Variants in PALM observed in about 807,000 individuals in gnomAD.
PALM encodes the protein paralemmin-1.
A neutral mutation model predicts 30.7 loss-of-function variants in PALM; 18 were observed. That is an observed-to-expected ratio of 0.59 (90% CI 0.41 to 0.87). PALM has a LOEUF of 0.87. Ranked by LOEUF, PALM falls within the 40% of genes least tolerant of loss-of-function variation. The probability of loss-of-function intolerance (pLI) is 0.00; values close to 1 mark genes in which losing one functional copy is unlikely to be tolerated. For synonymous variants in PALM, 286 were observed against 242.8 expected (o/e 1.18, Z -1.66); for missense variants, 529 against 555.4 (o/e 0.95, Z 0.48).
chr19:741,472 A>C (rs1274827166), intron 8 of PALM, among the ~76,000 whole-genome samples: 8 of 88,122 alleles, frequency 9.1e-5, no homozygotes, highest in Admixed American at 1.2e-4. Flanking sequence ...GTGAGGGGAG[A>C]CGGGCTGCAG....
intron 5 of PALM, among the ~76,000 whole-genome samples, chr19:733,637 T>C (rs1049396260): frequency 6.6e-6 from 1 of 152,106 alleles, no homozygotes; most frequent in Non-Finnish European, 1.5e-5. Flanking sequence ...AGGAGCCGGC[T>C]GGATTCAGGG....
intron 7 of PALM, among the ~76,000 whole-genome samples, chr19:737,941 C>G (rs547559900): frequency 6.6e-6 from 1 of 152,282 alleles, no homozygotes; most frequent in East Asian, 1.9e-4. Flanking sequence ...CCCACGCCCT[C>G]TGGTGACTGC....
chr19:717,249 A>G (rs2032295504), intron 1 of PALM, among the ~76,000 whole-genome samples: 1 of 152,008 alleles, frequency 6.6e-6, no homozygotes, highest in Admixed American at 6.6e-5. Flanking sequence ...CTTTCACCAC[A>G]ATTGTAGAAC....
chr19:727,974 G>T (rs1220752566), intron 4 of PALM: 1 of 361,548 alleles, frequency 2.8e-6, no homozygotes, highest in African/African-American at 2.2e-5. Context: ...GTTTGAGCCA[G>T]CGAGGGACGT....
chr19:719,361 G>A (rs1181394366), intron 1 of PALM: 1 of 985,480 alleles, frequency 1.0e-6, no homozygotes, highest in African/African-American at 1.7e-5. Context: ...TCCTGGAGCA[G>A]GACTATCTCA....
chr19:721,971 T>G (rs577917634), intron 1 of PALM, among the ~76,000 whole-genome samples: 16 of 152,016 alleles, frequency 1.1e-4, no homozygotes, highest in Non-Finnish European at 2.4e-4. Context: ...CAGGCTGGAG[T>G]GCAGTGGCGC....
chr19:721,857 C>CA (rs200247404), intron 1 of PALM, among the ~76,000 whole-genome samples: 8,111 of 152,204 alleles, frequency 0.053, 372 homozygotes, highest in East Asian at 0.19. Context: ...CTTGGCCTCC[C>CA]AAAGTGCTGG....
intron 7 of PALM, among the ~76,000 whole-genome samples, chr19:736,629 C>T (rs967203606): frequency 2.0e-5 from 3 of 152,288 alleles, no homozygotes; most frequent in African/African-American, 7.2e-5. Flanking sequence ...TTGAATTTCT[C>T]CGCCTGCCAG....
intron 5 of PALM, among the ~76,000 whole-genome samples, chr19:731,653 T>G (rs2032883971): frequency 7.4e-6 from 1 of 134,502 alleles, no homozygotes; most frequent in Non-Finnish European, 1.6e-5. Context: ...CCGGTGCTGG[T>G]GGGTGTGGTC....
At chr19:714,411 TGCAGTGGC>T (rs1463967361) in intron 1 of PALM, among the ~76,000 whole-genome samples, 1 of 138,506 alleles carries the variant, frequency 7.2e-6, no homozygotes, top group Admixed American at 8.1e-5. Flanking sequence ...CAGGCTGGAG[TGCAGTGGC>T]GAGATCTCGG....
chr19:710,651 G>GCCC (rs763250940), intron 1 of PALM, among the ~76,000 whole-genome samples: 10 of 114,160 alleles, frequency 8.8e-5, no homozygotes, highest in Non-Finnish European at 1.6e-4. Flanking sequence ...AGGAGCTGCT[G>GCCC]CCCCCCCCCC....
At chr19:720,649 G>T (rs1443311627) in intron 1 of PALM, among the ~76,000 whole-genome samples, 1 of 151,324 alleles carries the variant, frequency 6.6e-6, no homozygotes, top group Non-Finnish European at 1.5e-5. Context: ...CGGGGGCCAG[G>T]GGGGCGCGTC....
At position 746,462 on chromosome 19, in the gene PALM, G is replaced by A. The variant is rs547437620; in HGVS notation, c.812G>A (p.Arg271Gln). 1.1e-5 allele frequency: 18 copies of A among 1,609,558 alleles called. No homozygotes were observed. The highest frequency in any genetic ancestry group is 1.7e-4 in the Middle Eastern group (1 of 6,006). ...GCAGCCCGGACCACGCCCTCCCGGC[G>A]GGAGATCACCGGTGTGCAGGCACAG... ...EGAARTTPSRREITGVQAQPG... is the reference protein window; with the variant it reads ...EGAARTTPSRQEITGVQAQPG... The change falls in exon 9 of 9, where the codon CGG becomes CAG. Residue 271 changes from arginine (R) to glutamine (Q), a missense_variant. By Grantham distance (43) the Arg-to-Gln change is conservative. Transcript: ENST00000338448. The surrounding 1 kb of genome is among the most constrained non-coding windows in gnomAD (Gnocchi z 7.1).
Position 742,538 on chromosome 19 carries a change from G to T in PALM, c.634+2055G>T, listed in dbSNP as rs1022245895. Reference sequence around the variant, plus strand: ...GAGAATCACTTGAACCCAGGAGGCGGAGGTTGCAGTGAGCCGAGATCGCGC... The same window carrying T: ...GAGAATCACTTGAACCCAGGAGGCGTAGGTTGCAGTGAGCCGAGATCGCGC... On this transcript the variant is annotated intron_variant, in intron 8 of 8. Coordinates refer to ENST00000338448, the MANE Select transcript of PALM (RefSeq NM_002579.3). The surrounding 1 kb of genome is among the most constrained non-coding windows in gnomAD (Gnocchi z 5.5). 1.3e-5 allele frequency among the ~76,000 whole-genome samples: 2 copies of T among 151,920 alleles called. No homozygotes were observed. The highest frequency in any genetic ancestry group is 2.9e-5 in the Non-Finnish European group (2 of 67,996).
intron 5 of PALM, among the ~76,000 whole-genome samples, chr19:732,693 A>T (rs1356432079): frequency 6.9e-6 from 1 of 145,270 alleles, no homozygotes; most frequent in Non-Finnish European, 1.5e-5. Context: ...GATTCTTTCT[A>T]AAAAAAAAAA....
chr19:722,045 A>T (rs1350283632), intron 1 of PALM, among the ~76,000 whole-genome samples: 2 of 151,946 alleles, frequency 1.3e-5, no homozygotes, highest in African/African-American at 4.8e-5. Context: ...CAGCCTCCCG[A>T]GTAGCTGGGA....
At chr19:738,620 G>A (rs2033094616) in intron 7 of PALM, among the ~76,000 whole-genome samples, 1 of 152,166 alleles carries the variant, frequency 6.6e-6, no homozygotes, top group Non-Finnish European at 1.5e-5. Flanking sequence ...GTAGTGTTAT[G>A]GACGTGTGAG....
chr19:746,319 G>C lies in PALM; in HGVS notation c.669G>C (p.Gly223=). ...CTGTGGACGGCACCGCCGAGAACGG[G>C]ATCCACCCCCTGAGCTCCTCCGAGG... ...VHAVDGTAEN[G]IHPLSSSEVD... is the part of the protein sequence containing the mutation. The change falls in exon 9 of 9, where the codon GGG becomes GGC. Residue 223 remains glycine, a synonymous_variant. Transcript: ENST00000338448. This position sits in a 1 kb window ranked among gnomAD's most constrained non-coding sequence, Gnocchi z 7.1. 4 of 1,613,620 alleles carry C rather than the reference G, an allele frequency of 2.5e-6. No individual in the cohort carries two copies. Among genetic ancestry groups the C allele is most frequent in the Non-Finnish European group, 3.4e-6 (4 of 1,179,722 alleles).
Position 736,658 on chromosome 19 carries a change from C to T in PALM, c.502+580C>T, listed in dbSNP as rs745504881. Among the ~76,000 whole-genome samples, 57 of 152,184 alleles carry T rather than the reference C, an allele frequency of 3.7e-4. 1 individual carries two copies. Among genetic ancestry groups the T allele is most frequent in the Non-Finnish European group, 7.2e-4 (49 of 68,032 alleles). ...CTGCCAGAGGGGTGGGACCTCAGTACGCCATCCTGGGGCCCGGCACAGGAC... is the reference window on the plus strand; with the variant it reads ...CTGCCAGAGGGGTGGGACCTCAGTATGCCATCCTGGGGCCCGGCACAGGAC... On this transcript the variant is annotated intron_variant, in intron 7 of 8. Coordinates refer to ENST00000338448, the MANE Select transcript of PALM (RefSeq NM_002579.3).
Sources: gnomAD v4.1 joint callset for allele counts (sites outside exome capture counted in the v4.1 genomes callset) on GRCh38, gnomAD v4.1.1 for gene constraint, Gnocchi (gnomAD v3.1) non-coding constraint, MANE v1.5 for transcripts, NCBI Gene and HGNC (gene_info 2026-07-23, HGNC 2026-07-21) for gene names.